The following RASL10B variants were observed in gnomAD, a reference collection of about 807,000 sequenced individuals.
RASL10B encodes ras-like protein family member 10B.
A neutral mutation model predicts 20.7 loss-of-function variants in RASL10B; 10 were observed. That is an observed-to-expected ratio of 0.48 (90% CI 0.30 to 0.82). The LOEUF (loss-of-function observed/expected upper bound fraction) is 0.82, where lower values mean the gene tolerates loss of function less well. Among genes scored for constraint, RASL10B ranks in the 40% least tolerant of loss-of-function variants. The pLI is 0.07. For missense variants in RASL10B, 231 were observed against 295.4 expected, an observed-to-expected ratio of 0.78 and a Z score of 1.60; for synonymous variants, 110 against 123.3, an observed-to-expected ratio of 0.89 and a Z score of 0.72.
chr17:35,741,463 A>G lies in RASL10B; in HGVS notation c.*158A>G. 1 of 1,159,992 alleles carries G rather than the reference A, an allele frequency of 8.6e-7. No individual in the cohort carries two copies. Among genetic ancestry groups the G allele is most frequent in the Non-Finnish European group, 1.1e-6 (1 of 881,840 alleles). 71.9% of individuals were successfully genotyped at this position (1,159,992 alleles called of 1,614,324 possible). On this transcript the variant is annotated 3_prime_UTR_variant, in exon 4 of 4. Coordinates refer to ENST00000603017, the MANE Select transcript of RASL10B (RefSeq NM_033315.4). ...CTCCCGGTGAGAAGCAGAGCGCGAG[A>G]GGGAGCCCTCCGTAACTGCCCAGCC...
At chr17:35,733,007 G>A (rs2085567988) in intron 1 of RASL10B, among the ~76,000 whole-genome samples, 1 of 152,280 alleles carries the variant, frequency 6.6e-6, no homozygotes, top group African/African-American at 2.4e-5. Flanking sequence ...GTTGGAGAAG[G>A]GACACTGCAT....
rs782669969 is a variant in RASL10B, at chr17:35,735,137, G to A, written c.-48G>A. ...AGCCCCTGGAATATGCAGCCCGGGGGAGCCCCAGACAGCGGCAAGGACGAG... is the reference window on the plus strand; with the variant it reads ...AGCCCCTGGAATATGCAGCCCGGGGAAGCCCCAGACAGCGGCAAGGACGAG... On this transcript the variant is annotated 5_prime_UTR_variant, in exon 2 of 4. Coordinates refer to ENST00000603017, the MANE Select transcript of RASL10B (RefSeq NM_033315.4). This position sits in a 1 kb window ranked among gnomAD's most constrained non-coding sequence, Gnocchi z 6.7. 1.0e-5 allele frequency: 16 copies of A among 1,568,724 alleles called. No individual in the cohort carries two copies. The highest frequency in any genetic ancestry group is 1.4e-5 in the Non-Finnish European group (16 of 1,152,902).
At position 35,740,430 on chromosome 17, in the gene RASL10B, A is replaced by C. The variant is rs1555597740; in HGVS notation, c.238A>C (p.Arg80=). Residue 80 remains arginine, a synonymous_variant, in exon 3 of 4, where the codon AGG becomes CGG. Transcript: ENST00000603017. ...GCAGGAGTGGGCAGACACCTGCTGC[A>C]GGGGACTCCGGAGTGTCCACGCCTA... The part of the protein sequence containing the change: ...TLQEWADTCC[R]GLRSVHAYIL... The C allele has an allele frequency of 6.2e-7, 1 of 1,613,866 alleles. No homozygotes were observed. Among genetic ancestry groups the C allele is most frequent in the African/African-American group, 1.3e-5 (1 of 75,050 alleles).
rs1196289698 is a variant in RASL10B, at chr17:35,741,246, G to C, written c.553G>C (p.Val185Leu). 2.5e-6 allele frequency: 4 copies of C among 1,592,180 alleles called. No homozygotes were observed. Among genetic ancestry groups the C allele is most frequent in the Non-Finnish European group, 3.4e-6 (4 of 1,169,728 alleles). Residue 185 changes from valine to leucine, a missense_variant, in exon 4 of 4, where the codon GTG (valine) becomes CTG (leucine). By Grantham distance (32) the Val-to-Leu change is conservative. Coordinates refer to ENST00000603017, the MANE Select transcript of RASL10B (RefSeq NM_033315.4). ...CGTCGGCTGCGCCCGTTGCAAGCAC[G>C]TGCACGCTGCCCTGCGCTTCCAGGG... The part of the protein sequence containing the change: ...KSVGCARCKH[V>L]HAALRFQGAL...
At chr17:35,739,244 C>T (rs1269618138) in intron 2 of RASL10B, among the ~76,000 whole-genome samples, 6 of 152,208 alleles carry the variant, frequency 3.9e-5, no homozygotes, top group African/African-American at 9.6e-5. Flanking sequence ...TGTAGTCCTC[C>T]TTTGTGCCTG....
In RASL10B at chr17:35,740,667, C is replaced by T. The variant is rs2085623524; in HGVS notation, c.341+134C>T. 7 of 1,097,232 alleles carry T rather than the reference C, an allele frequency of 6.4e-6. No individual in the cohort carries two copies. In the South Asian group the frequency reaches 9.2e-5, roughly 14 times the overall value. 68.0% of individuals were successfully genotyped at this position (1,097,232 alleles called of 1,614,324 possible). On this transcript the variant is annotated intron_variant, in intron 3 of 3. Coordinates refer to ENST00000603017, the MANE Select transcript of RASL10B (RefSeq NM_033315.4). Reference sequence around the variant, plus strand: ...TAAGATTTCCACACATACACTCAAACATGCATACATTGTGCTGTTCCCATT... The same window carrying T: ...TAAGATTTCCACACATACACTCAAATATGCATACATTGTGCTGTTCCCATT...
chr17:35,741,092 G>A lies in RASL10B; in HGVS notation c.399G>A (p.Gln133=), dbSNP rs1160273052. Residue 133 remains glutamine (Q), a synonymous_variant, in exon 4 of 4, where the codon CAG becomes CAA. Coordinates refer to ENST00000603017, the MANE Select transcript of RASL10B (RefSeq NM_033315.4). ...TCGTGGGCAACAAGCGGGACCTGCA[G>A]CGCGGACGCGTGATCCCGCGCTGGA... The part of the protein sequence containing the change: ...IIIVGNKRDL[Q]RGRVIPRWNV... The A allele has an allele frequency of 1.2e-6, 2 of 1,612,900 alleles. No individual in the cohort carries two copies. Among genetic ancestry groups the A allele is most frequent in the Non-Finnish European group, 1.7e-6 (2 of 1,179,628 alleles).
In RASL10B at chr17:35,735,393, C is replaced by T. The variant is rs1403129089; in HGVS notation, c.209C>T (p.Thr70Met). Reference sequence around the variant, plus strand: ...CCCATCAGCGCCTTCCCTGTCAATACGCTCCAGGTAGGAGGACCCTGGGGG... The same window carrying T: ...CCCATCAGCGCCTTCCCTGTCAATATGCTCCAGGTAGGAGGACCCTGGGGG... ...FPPISAFPVN[T>M]LQEWADTCCR... Residue 70 changes from threonine to methionine, a missense_variant, in exon 2 of 4, where the codon ACG becomes ATG. Thr to Met is a moderately conservative substitution (Grantham distance 81, BLOSUM62 -1). Coordinates refer to ENST00000603017, the MANE Select transcript of RASL10B (RefSeq NM_033315.4). The surrounding 1 kb of genome is among the most constrained non-coding windows in gnomAD (Gnocchi z 6.7). The T allele has an allele frequency of 3.1e-6, 5 of 1,614,092 alleles. No homozygotes were observed. Among genetic ancestry groups the T allele is most frequent in the Middle Eastern group, 1.6e-4 (1 of 6,062 alleles).
At chr17:35,739,849 G>A (rs1171530852) in intron 2 of RASL10B, among the ~76,000 whole-genome samples, 1 of 152,212 alleles carries the variant, frequency 6.6e-6, no homozygotes, top group African/African-American at 2.4e-5. Context: ...GGATGGCCTG[G>A]CTGTGGCCTT....
rs1555597918 is a variant in RASL10B at position 35,741,292 on chromosome 17, G to C, written c.599G>C (p.Cys200Ser). 1.3e-6 allele frequency: 2 copies of C among 1,509,592 alleles called. No individual in the cohort carries two copies. The highest frequency in any genetic ancestry group is 4.1e-5 in the Admixed American group (2 of 48,596). 93.5% of individuals were successfully genotyped at this position (1,509,592 alleles called of 1,614,324 possible). ...CAGGGCGCGCTGCGCCGCAACCGCT[G>C]CGCCATCATGTGACGCCTGCGCGCC... ...RFQGALRRNR[C>S]AIM is the part of the protein sequence containing the mutation. Residue 200 changes from cysteine to serine, a missense_variant, in exon 4 of 4, where the codon TGC (cysteine) becomes TCC (serine). Coordinates refer to ENST00000603017, the MANE Select transcript of RASL10B (RefSeq NM_033315.4).
In RASL10B at chr17:35,740,479, G is replaced by A; in HGVS notation, c.287G>A (p.Cys96Tyr). ...HAYILVYDIC[C>Y]FDSFEYVKTI... ...TACATCCTGGTCTACGACATCTGCT[G>A]CTTTGACAGCTTTGAGTACGTCAAG... Residue 96 changes from cysteine to tyrosine, a missense_variant, in exon 3 of 4, where the codon TGC becomes TAC. Cys to Tyr is a radical substitution (Grantham distance 194). Transcript: ENST00000603017. 6.2e-6 allele frequency: 10 copies of A among 1,614,076 alleles called. No homozygotes were observed. Among genetic ancestry groups the A allele is most frequent in the Non-Finnish European group, 8.5e-6 (10 of 1,179,992 alleles).
At chr17:35,736,525 C>T (rs1005282973) in intron 2 of RASL10B, among the ~76,000 whole-genome samples, 12 of 152,296 alleles carry the variant, frequency 7.9e-5, no homozygotes, top group African/African-American at 2.6e-4. Flanking sequence ...AGCCTGATCC[C>T]GCATCTGCCC....
intron 1 of RASL10B, among the ~76,000 whole-genome samples, chr17:35,732,712 C>A (rs760638112): frequency 6.6e-6 from 1 of 152,074 alleles, no homozygotes; most frequent in African/African-American, 2.4e-5. Context: ...GTGGTGTCCG[C>A]GACAATCTGC....
chr17:35,740,310 G>T, intron 2 of RASL10B, 99 bp from the exon 3 acceptor site: 1 of 1,481,510 alleles, frequency 6.7e-7, no homozygotes, highest in Admixed American at 1.8e-5. Flanking sequence ...TTCAGGTGCA[G>T]TGGCAGGTGA....
At position 35,742,728 on chromosome 17, in the gene RASL10B, C is replaced by T. The variant is rs1447947881; in HGVS notation, c.*1423C>T. 1.3e-5 allele frequency: 2 copies of T among 152,488 alleles called. No individual in the cohort carries two copies. The highest frequency in any genetic ancestry group is 4.8e-5 in the African/African-American group (2 of 41,426). The allele number at this position is 152,488 out of a possible 1,614,324, so 9.4% of individuals were successfully genotyped here. On this transcript the variant is annotated 3_prime_UTR_variant, in exon 4 of 4. Coordinates refer to ENST00000603017, the MANE Select transcript of RASL10B (RefSeq NM_033315.4). ...AAAGCTGTCCTTGAGGCTGAGCCCT[C>T]AGCCCTGGCCTGGTGGGGGGACAGC...
rs2085586619 is a variant in RASL10B at position 35,735,572 on chromosome 17, A to G, written c.216+172A>G. 6.6e-6 allele frequency among the ~76,000 whole-genome samples: 1 copy of G among 152,226 alleles called. No homozygotes were observed. Among genetic ancestry groups the G allele is most frequent in the South Asian group, 2.1e-4 (1 of 4,836 alleles). ...TTAGAGCCGTTCCAGGAATCCATTC[A>G]TTGGTGTGCTAGTTTATTCAACAAA... On this transcript the variant is annotated intron_variant, in intron 2 of 3. Transcript: ENST00000603017. The surrounding 1 kb of genome is among the most constrained non-coding windows in gnomAD (Gnocchi z 6.7).
intron 3 of RASL10B, among the ~76,000 whole-genome samples, chr17:35,740,758 G>A (rs1233045975): frequency 6.6e-6 from 1 of 152,168 alleles, no homozygotes; most frequent in Non-Finnish European, 1.5e-5. Flanking sequence ...TTAAGAACTG[G>A]GACTTCTGGA....
rs1555596402 is a variant in RASL10B at position 35,731,803 on chromosome 17, G to C, written c.-223G>C. Reference sequence around the variant, plus strand: ...TCCCCCCGGGCGGGGGAGCCGGGGGGCAGCGCCGGAGCCCGGGGGGAGCTC... The same window carrying C: ...TCCCCCCGGGCGGGGGAGCCGGGGGCCAGCGCCGGAGCCCGGGGGGAGCTC... On this transcript the variant is annotated 5_prime_UTR_variant, in exon 1 of 4. Transcript: ENST00000603017. 6.6e-6 allele frequency: 1 copy of C among 152,060 alleles called. No homozygotes were observed. Among genetic ancestry groups the C allele is most frequent in the South Asian group, 2.1e-4 (1 of 4,822 alleles). The allele number at this position is 152,060 out of a possible 1,614,324, so 9.4% of individuals were successfully genotyped here.
In RASL10B at chr17:35,743,137, G is replaced by C. The variant is rs912793352; in HGVS notation, c.*1832G>C. The C allele has an allele frequency of 6.6e-6, 1 of 152,660 alleles. No individual in the cohort carries two copies. The highest frequency in any genetic ancestry group is 2.4e-5 in the African/African-American group (1 of 41,450). 9.5% of individuals were successfully genotyped at this position (152,660 alleles called of 1,614,324 possible). A position where few individuals can be genotyped will look rare whatever the true frequency, so the allele number is the denominator to read the frequency against. ...CCTTCCCCACACCTTAGAGTGGCTG[G>C]GAGGGTAACAAAGAGGGCCTGCCCC... On this transcript the variant is annotated 3_prime_UTR_variant, in exon 4 of 4. Transcript: ENST00000603017.
Sources: gnomAD v4.1 joint callset for allele counts (sites outside exome capture counted in the v4.1 genomes callset) on GRCh38, gnomAD v4.1.1 for gene constraint, Gnocchi (gnomAD v3.1) non-coding constraint, MANE v1.5 for transcripts, NCBI Gene and HGNC (gene_info 2026-07-23, HGNC 2026-07-21) for gene names.